Variants in WAPL observed in about 807,000 individuals in gnomAD.
WAPL encodes wings apart-like protein homolog.
In WAPL, 5 loss-of-function variants were observed where a neutral mutation model predicts 121.0. The ratio of observed to expected loss-of-function variants is 0.04; its 90% confidence interval spans 0.02 to 0.09. The LOEUF is 0.09. WAPL is among the 10% of genes least tolerant of loss of function. The pLI is 1.00. For synonymous variants in WAPL, 480 were observed against 481.5 expected (o/e 1.00, Z 0.04); for missense variants, 999 against 1,410.8 (o/e 0.71, Z 4.68).
At position 86,476,297 on chromosome 10, in the gene WAPL, G is replaced by A. The variant is rs142248291; in HGVS notation, c.1645-2324C>T. Among the ~76,000 whole-genome samples the A allele has an allele frequency of 1.6e-4, 24 of 152,258 alleles. No individual in the cohort carries two copies. The East Asian group carries it at 3.3e-3, about 21-fold the overall frequency. ...GGAGAATTGCTAGAACCCGGGAGTC[G>A]GAGGTTGCAGTGATCTGAGATGGTG... On this transcript the variant is annotated intron_variant, in intron 4 of 18. Coordinates refer to ENST00000298767, the MANE Select transcript of WAPL (RefSeq NM_015045.5).
chr10:86,461,543 C>G (rs552142365), intron 9 of WAPL, among the ~76,000 whole-genome samples: 10 of 152,230 alleles, frequency 6.6e-5, no homozygotes, highest in African/African-American at 2.2e-4. Context: ...ACTCTTATTT[C>G]TACAGTATAC....
At chr10:86,497,692 C>T (rs550935821) in intron 3 of WAPL, among the ~76,000 whole-genome samples, 40 of 152,318 alleles carry the variant, frequency 2.6e-4, no homozygotes, top group African/African-American at 9.4e-4. Context: ...CACAAAACAT[C>T]ATGCGTATCT....
intron 4 of WAPL, among the ~76,000 whole-genome samples, chr10:86,485,245 AAAGAAAATAC>A (rs2132207114): frequency 6.6e-6 from 1 of 152,134 alleles, no homozygotes; most frequent in South Asian, 2.1e-4. Flanking sequence ...CACCTATACT[AAAGAAAATAC>A]GATTAGGCAG....
At chr10:86,443,724 T>C (rs1242239072) in intron 16 of WAPL, 2 of 190,154 alleles carry the variant, frequency 1.1e-5, no homozygotes, top group African/African-American at 2.4e-5. Context: ...AACAACCCAA[T>C]TAAAACTGGG....
intron 4 of WAPL, among the ~76,000 whole-genome samples, chr10:86,481,279 A>G (rs1369481410): frequency 6.6e-6 from 1 of 152,234 alleles, no homozygotes; most frequent in Non-Finnish European, 1.5e-5. Flanking sequence ...GGGAAGATCT[A>G]CATGAACTGA....
At chr10:86,455,208 C>T (rs1436167957) in intron 12 of WAPL, among the ~76,000 whole-genome samples, 5 of 152,204 alleles carry the variant, frequency 3.3e-5, no homozygotes, top group Admixed American at 6.5e-5. Flanking sequence ...TCACTGAGAA[C>T]GGGCCATGAT....
At chr10:86,479,120 A>C (rs754295762) in intron 4 of WAPL, among the ~76,000 whole-genome samples, 187 of 151,104 alleles carry the variant, frequency 1.2e-3, no homozygotes, top group Non-Finnish European at 2.0e-3. Flanking sequence ...AACAAACAAA[A>C]AAAACAAAAC....
chr10:86,508,824 G>A (rs908560734), intron 2 of WAPL, among the ~76,000 whole-genome samples: 13 of 137,216 alleles, frequency 9.5e-5, no homozygotes, highest in African/African-American at 3.4e-4. Flanking sequence ...GCGCGATCTC[G>A]GCTCACTGCA....
Position 86,521,647 on chromosome 10 carries a change from C to G in WAPL, c.-305G>C, listed in dbSNP as rs147871802. 8.7e-6 allele frequency: 4 copies of G among 461,632 alleles called. No homozygotes were observed. Among genetic ancestry groups the G allele is most frequent in the African/African-American group, 4.1e-5 (2 of 48,268 alleles). The allele number at this position is 461,632 out of a possible 1,614,324, so 28.6% of individuals were successfully genotyped here. On this transcript the variant is annotated 5_prime_UTR_variant, in exon 1 of 19. Transcript: ENST00000298767. ...CTGGTAACAGAGCCTGCTGTGTGCC[C>G]CCGCTGGGCCGCCGCCGCCTCCTGC...
rs956966645 is a variant in WAPL, at chr10:86,436,323, G to A, written c.*1220C>T. 1 of 152,214 alleles carries A rather than the reference G, an allele frequency of 6.6e-6. No individual in the cohort carries two copies. The highest frequency in any genetic ancestry group is 2.4e-5 in the African/African-American group (1 of 41,278). The allele number at this position is 152,214 out of a possible 1,614,324, so 9.4% of individuals were successfully genotyped here. A position where few individuals can be genotyped will look rare whatever the true frequency, so the allele number is the denominator to read the frequency against. On this transcript the variant is annotated 3_prime_UTR_variant, in exon 19 of 19. Transcript: ENST00000298767. Reference sequence around the variant, plus strand: ...GAAACATGATGTAACTACCTGAAAGGTATTTAAAAGTATTAATGAAAAAGA... The same window carrying A: ...GAAACATGATGTAACTACCTGAAAGATATTTAAAAGTATTAATGAAAAAGA...
At chr10:86,458,077 T>C (rs1841190654) in intron 12 of WAPL, among the ~76,000 whole-genome samples, 1 of 152,250 alleles carries the variant, frequency 6.6e-6, no homozygotes, top group South Asian at 2.1e-4. Flanking sequence ...AGAGTAAGAC[T>C]GCAATGGGCC....
In WAPL at chr10:86,471,070, G is replaced by A. The variant is rs1327117708; in HGVS notation, c.2064C>T (p.Pro688=). 6.2e-7 allele frequency: 1 copy of A among 1,613,846 alleles called. No individual in the cohort carries two copies. Among genetic ancestry groups the A allele is most frequent in the Non-Finnish European group, 8.5e-7 (1 of 1,179,912 alleles). ...VISLATKCAM[P]SFRMHLRAHG... The stretch of plus-strand genomic sequence containing the variant: ...GTGCTCTCAGGTGCATTCGAAAACT[G>A]GGCATGGCACATTTAGTAGCCAAGC... The change falls in exon 8 of 19, where the codon CCC becomes CCT. Residue 688 remains proline, a synonymous_variant. Coordinates refer to ENST00000298767, the MANE Select transcript of WAPL (RefSeq NM_015045.5).
intron 2 of WAPL, among the ~76,000 whole-genome samples, chr10:86,507,583 C>G (rs1473207467): frequency 6.6e-6 from 1 of 152,050 alleles, no homozygotes; most frequent in Non-Finnish European, 1.5e-5. Context: ...CTCTGATTTC[C>G]CAGTTCTTTA....
Position 86,472,261 on chromosome 10 carries a change from C to T in WAPL, c.1977G>A (p.Glu659=). Residue 659 remains glutamate, a synonymous_variant, in exon 7 of 19, where the codon GAG becomes GAA. Coordinates refer to ENST00000298767, the MANE Select transcript of WAPL (RefSeq NM_015045.5). This position sits in a 1 kb window ranked among gnomAD's most constrained non-coding sequence, Gnocchi z 4.2. The part of the protein sequence containing the change: ...GENQEFTDDI[E]YLLSGLKSTQ... ...TGCTCTTTAAGCCACTTAACAAGTA[C>T]TCAATGTCATCAGTGAACTCTTGAT... 2 of 1,604,412 alleles carry T rather than the reference C, an allele frequency of 1.2e-6. No individual in the cohort carries two copies. The highest frequency in any genetic ancestry group is 4.5e-5 in the East Asian group (2 of 44,732).
At chr10:86,505,160 T>C (rs1335118599) in intron 2 of WAPL, among the ~76,000 whole-genome samples, 1 of 144,982 alleles carries the variant, frequency 6.9e-6, no homozygotes. Flanking sequence ...GCTGTAGAGT[T>C]TTTTTTTCTG....
chr10:86,502,445 G>GT (rs1238688965), intron 2 of WAPL, among the ~76,000 whole-genome samples: 1 of 152,042 alleles, frequency 6.6e-6, no homozygotes, highest in Non-Finnish European at 1.5e-5. Context: ...GTCCTTATCT[G>GT]TTAAAAAAAT....
intron 4 of WAPL, among the ~76,000 whole-genome samples, chr10:86,478,984 C>G (rs1281041458): frequency 6.6e-6 from 1 of 151,978 alleles, no homozygotes; most frequent in Non-Finnish European, 1.5e-5. Flanking sequence ...GTAATTCCAG[C>G]TACCCCGGGA....
intron 4 of WAPL, among the ~76,000 whole-genome samples, chr10:86,481,863 G>GT (rs974338176): frequency 3.4e-4 from 50 of 149,216 alleles, no homozygotes; most frequent in Admixed American, 8.0e-4. Flanking sequence ...AAAAAAAAAA[G>GT]TAAGAATGGA....
chr10:86,478,980 C>T (rs555734389), intron 4 of WAPL, among the ~76,000 whole-genome samples: 98 of 152,126 alleles, frequency 6.4e-4, no homozygotes, highest in African/African-American at 2.3e-3. Flanking sequence ...ATCTGTAATT[C>T]CAGCTACCCC....
Sources: allele counts gnomAD v4.1 joint callset (sites outside exome capture counted in the v4.1 genomes callset), GRCh38; gene constraint gnomAD v4.1.1; non-coding constraint Gnocchi (gnomAD v3.1); transcripts MANE v1.5; gene names NCBI Gene and HGNC (gene_info 2026-07-23, HGNC 2026-07-21).